LTBP1: variants seen among roughly 807,000 people sequenced by gnomAD.
LTBP1 encodes latent-transforming growth factor beta-binding protein 1.
A neutral mutation model predicts 207.6 loss-of-function variants in LTBP1; 129 were observed. The observed-to-expected ratio is 0.62, with a 90% CI of 0.54 to 0.72. LTBP1 has a LOEUF of 0.72. Ranked by LOEUF, LTBP1 falls within the 30% of genes least tolerant of loss-of-function variation. The pLI is 0.00. For missense variants in LTBP1, 2,281 were observed against 2,217.2 expected (o/e 1.03, Z -0.58); for synonymous variants, 963 against 833.7 (o/e 1.16, Z -2.67).
chr2:33,396,781 G>A (rs2095362308), intron 32 of LTBP1, among the ~76,000 whole-genome samples: 1 of 152,184 alleles, frequency 6.6e-6, no homozygotes, highest in Non-Finnish European at 1.5e-5. Flanking sequence ...TCTGTTCTGA[G>A]AGTCTGACAC....
chr2:33,144,030 G>A (rs1037932834), intron 5 of LTBP1, among the ~76,000 whole-genome samples: 4 of 151,812 alleles, frequency 2.6e-5, no homozygotes, highest in African/African-American at 7.3e-5. Flanking sequence ...TGGATTGACT[G>A]GAAGACCTTT....
Position 33,049,300 on chromosome 2 carries a change from C to T in LTBP1, c.863+28094C>T, listed in dbSNP as rs554189313. 2.6e-5 allele frequency among the ~76,000 whole-genome samples: 4 copies of T among 152,282 alleles called. No homozygotes were observed. In the South Asian group the frequency reaches 8.3e-4, roughly 32 times the overall value. On this transcript the variant is annotated intron_variant, in intron 3 of 33. Coordinates refer to ENST00000404816, the MANE Select transcript of LTBP1 (RefSeq NM_206943.4). ...TAAGTTTGTAAGACCAATGAAATGA[C>T]ATTGGGGAAAATGGAAAGTTACTAA...
rs534680091 is a variant in LTBP1, at chr2:33,389,217, C to T, written c.4745C>T (p.Thr1582Met). 9.8e-5 allele frequency: 158 copies of T among 1,614,064 alleles called. No individual in the cohort carries two copies. The highest frequency in any genetic ancestry group is 2.3e-4 in the African/African-American group (17 of 75,024). Residue 1582 changes from threonine to methionine, a missense_variant, in exon 32 of 34, where the codon ACG becomes ATG. Transcript: ENST00000404816. ...GCTCAGCTGTGTAACATCCCCGTGA[C>T]GGGACGCCGGCAGCCATATGGACGG... ...DYAQLCNIPVTGRRQPYGRDA... is the reference protein window; with the variant it reads ...DYAQLCNIPVMGRRQPYGRDA...
intron 3 of LTBP1, among the ~76,000 whole-genome samples, chr2:33,047,072 T>C (rs1360729155): frequency 6.6e-6 from 1 of 152,194 alleles, no homozygotes; most frequent in Non-Finnish European, 1.5e-5. Flanking sequence ...AGCTCCTGGA[T>C]TCATTGATTT....
chr2:33,102,741 G>C (rs183620824), intron 3 of LTBP1, among the ~76,000 whole-genome samples: 88 of 152,286 alleles, frequency 5.8e-4, no homozygotes, highest in African/African-American at 2.1e-3. Flanking sequence ...TGTATATGCT[G>C]TTTGTATGCA....
At chr2:33,096,657 G>T (rs1417081944) in intron 3 of LTBP1, among the ~76,000 whole-genome samples, 1 of 152,154 alleles carries the variant, frequency 6.6e-6, no homozygotes, top group South Asian at 2.1e-4. Context: ...GATTATTTGG[G>T]AGAGGAATTT....
At chr2:33,219,288 C>G (rs1028040937) in intron 8 of LTBP1, among the ~76,000 whole-genome samples, 2 of 152,130 alleles carry the variant, frequency 1.3e-5, no homozygotes, top group Admixed American at 6.5e-5. Context: ...ATTCGATGAT[C>G]ATTTGCAATG....
rs113107123 is a variant in LTBP1 at position 33,299,253 on chromosome 2, A to G, written c.3236-1198A>G. Among the ~76,000 whole-genome samples, 899 of 152,220 alleles carry G rather than the reference A, an allele frequency of 5.9e-3. 7 individuals carry two copies. Among genetic ancestry groups the G allele is most frequent in the African/African-American group, 0.021 (870 of 41,534 alleles). Reference sequence around the variant, plus strand: ...GAGACTCTGTCTCAAAAAAAAAAAAAAAAGAAGTTTGGCTCAGGAGAAACA... The same window carrying G: ...GAGACTCTGTCTCAAAAAAAAAAAAGAAAGAAGTTTGGCTCAGGAGAAACA... On this transcript the variant is annotated intron_variant, in intron 20 of 33. Transcript: ENST00000404816.
intron 3 of LTBP1, among the ~76,000 whole-genome samples, chr2:33,059,685 T>TATTTGA (rs1558578729): frequency 6.6e-6 from 1 of 152,180 alleles, no homozygotes; most frequent in Non-Finnish European, 1.5e-5. Context: ...AAATACCAAA[T>TATTTGA]ACATGTCATT....
At chr2:33,371,949 C>T (rs988295943) in intron 31 of LTBP1, among the ~76,000 whole-genome samples, 3 of 152,200 alleles carry the variant, frequency 2.0e-5, no homozygotes, top group Non-Finnish European at 2.9e-5. Flanking sequence ...CCATGGTGTC[C>T]ATACTGTGTA....
chr2:33,117,854 T>A (rs890113442), intron 4 of LTBP1, among the ~76,000 whole-genome samples: 3 of 152,202 alleles, frequency 2.0e-5, no homozygotes, highest in Admixed American at 6.5e-5. Flanking sequence ...AATTGCAATC[T>A]GGAGATCTTC....
intron 24 of LTBP1, among the ~76,000 whole-genome samples, chr2:33,324,377 GGTAT>G (rs753544732): frequency 1.3e-4 from 19 of 150,902 alleles, no homozygotes; most frequent in Non-Finnish European, 1.9e-4. Flanking sequence ...CTTTATCATA[GGTAT>G]GTATGTATGT....
intron 31 of LTBP1, among the ~76,000 whole-genome samples, chr2:33,370,411 ATTCTGGT>A (rs1332629450): frequency 6.6e-6 from 1 of 152,110 alleles, no homozygotes; most frequent in Admixed American, 6.5e-5. Flanking sequence ...CAAAAAACAG[ATTCTGGT>A]TTCTCACTTG....
intron 22 of LTBP1, among the ~76,000 whole-genome samples, chr2:33,307,172 A>G (rs1266048929): frequency 6.6e-6 from 1 of 152,230 alleles, no homozygotes; most frequent in Non-Finnish European, 1.5e-5. Context: ...GAACAATCGG[A>G]GTTCTCATAT....
rs1212498794 is a variant in LTBP1 at position 33,341,714 on chromosome 2, C to CAAAAAA, written c.3731-1113_3731-1108dup. Among the ~76,000 whole-genome samples the CAAAAAA allele has an allele frequency of 1.6e-3, 186 of 113,038 alleles. 2 individuals carry two copies. Among genetic ancestry groups the CAAAAAA allele is most frequent in the African/African-American group, 6.8e-3 (159 of 23,338 alleles). 74.2% of individuals were successfully genotyped at this position (113,038 alleles called of 152,430 possible). A position where few individuals can be genotyped will look rare whatever the true frequency, so the allele number is the denominator to read the frequency against. ...CGACAGAGTGAGACTCCGTCTCACTCAAAAAAAAAAAAAAAATATATATAT... is the reference window on the plus strand; with the variant it reads ...CGACAGAGTGAGACTCCGTCTCACTCAAAAAAAAAAAAAAAAAAAAAATATATATAT... On this transcript the variant is annotated intron_variant, in intron 24 of 33. Transcript: ENST00000404816.
chr2:33,364,394 C>G, intron 30 of LTBP1, 38 bp downstream of exon 30: 3 of 1,577,428 alleles, frequency 1.9e-6, no homozygotes, highest in Non-Finnish European at 2.6e-6. Flanking sequence ...GTCCAAATAA[C>G]TATCATAAGA....
At chr2:33,379,238 C>A (rs2095184229) in intron 31 of LTBP1, among the ~76,000 whole-genome samples, 2 of 129,460 alleles carry the variant, frequency 1.5e-5, no homozygotes, top group South Asian at 2.7e-4. Flanking sequence ...AAGACAGAGT[C>A]TCATTCTGTT....
At chr2:33,125,829 CAAA>C (rs34059321) in intron 4 of LTBP1, among the ~76,000 whole-genome samples, 5 of 131,540 alleles carry the variant, frequency 3.8e-5, no homozygotes, top group African/African-American at 5.5e-5. Flanking sequence ...GACTCCGTCT[CAAA>C]AAAAAAAAAA....
At chr2:33,219,105 A>G (rs1156967484) in intron 8 of LTBP1, among the ~76,000 whole-genome samples, 1 of 152,190 alleles carries the variant, frequency 6.6e-6, no homozygotes, top group Non-Finnish European at 1.5e-5. Flanking sequence ...TGCCTAAAGC[A>G]AGTAATTTTA....
Sources: allele counts gnomAD v4.1 joint callset (sites outside exome capture counted in the v4.1 genomes callset), GRCh38; gene constraint gnomAD v4.1.1; transcripts MANE v1.5; gene names NCBI Gene and HGNC (gene_info 2026-07-23, HGNC 2026-07-21).